DENND2D: variants seen among roughly 807,000 people sequenced by gnomAD.
The protein encoded by DENND2D is DENN domain-containing protein 2D.
DENND2D carries 37 observed loss-of-function variants against 59.8 expected under a neutral mutation model. That is an observed-to-expected ratio of 0.62 (90% CI 0.48 to 0.81). DENND2D has a LOEUF of 0.81. Among genes scored for constraint, DENND2D ranks in the 40% least tolerant of loss-of-function variants. DENND2D has a pLI of 0.00. For missense variants in DENND2D, 525 were observed against 579.7 expected, an observed-to-expected ratio of 0.91 and a Z score of 0.97; for synonymous variants, 219 against 211.3, an observed-to-expected ratio of 1.04 and a Z score of -0.31.
At chr1:111,197,123 G>A (rs990302052) in intron 5 of DENND2D, 53 bp downstream of exon 5, 2 of 1,570,552 alleles carry the variant, frequency 1.3e-6, no homozygotes, top group African/African-American at 1.4e-5. Flanking sequence ...GGCAGGGTTG[G>A]CAGCCAGAGA....
chr1:111,189,602 T>C (rs1657539636), intron 8 of DENND2D, among the ~76,000 whole-genome samples: 1 of 152,216 alleles, frequency 6.6e-6, no homozygotes, highest in South Asian at 2.1e-4. Flanking sequence ...ATTGTTCACA[T>C]AAGTGCTTTA....
chr1:111,186,509 C>T lies in DENND2D; in HGVS notation c.*1096G>A, dbSNP rs990353085. On this transcript the variant is annotated 3_prime_UTR_variant, in exon 12 of 12. Coordinates refer to ENST00000357640, the MANE Select transcript of DENND2D (RefSeq NM_024901.5). ...TAGGAACTTCTGAGGGCCACAAATA[C>T]ACACATTAAAAAAGGTAGAATTTTT... Among the ~76,000 whole-genome samples, 3 of 152,112 alleles carry T rather than the reference C, an allele frequency of 2.0e-5. No homozygotes were observed. The highest frequency in any genetic ancestry group is 7.2e-5 in the African/African-American group (3 of 41,410).
chr1:111,194,715 C>T lies in DENND2D; in HGVS notation c.657G>A (p.Leu219=). 1.2e-6 allele frequency: 2 copies of T among 1,613,894 alleles called. No homozygotes were observed. Among genetic ancestry groups the T allele is most frequent in the Non-Finnish European group, 1.7e-6 (2 of 1,179,952 alleles). The change falls in exon 7 of 12, where the codon CTG becomes CTA. Residue 219 remains leucine, a synonymous_variant. Coordinates refer to ENST00000357640, the MANE Select transcript of DENND2D (RefSeq NM_024901.5). The part of the protein sequence containing the change: ...IPDSGTEFIS[L]TRPLDSHLEH... ...CTAGGTGGGAGTCCAGGGGCCGTGT[C>T]AGTGAAATGAACTGTGGGGAAACCA...
At chr1:111,197,149 G>GCAGGATAAA in intron 5 of DENND2D, 27 bp downstream of exon 5, 3 of 1,604,694 alleles carry the variant, frequency 1.9e-6, no homozygotes, top group Non-Finnish European at 2.6e-6. Context: ...TGGAATATGG[G>GCAGGATAAA]CAGGCCCTGA....
At chr1:111,191,182 C>T (rs1248677233) in intron 8 of DENND2D, among the ~76,000 whole-genome samples, 1 of 152,180 alleles carries the variant, frequency 6.6e-6, no homozygotes, top group Non-Finnish European at 1.5e-5. Context: ...GTTCAAAGGG[C>T]ATGTGTACTC....
chr1:111,200,337 A>G (rs1471153957), intron 1 of DENND2D, 56 bp downstream of exon 1: 20 of 1,578,992 alleles, frequency 1.3e-5, no homozygotes, highest in Non-Finnish European at 1.3e-5. Flanking sequence ...AGGAAGAAAC[A>G]GTCCCGCCTA....
In DENND2D at chr1:111,197,922, A is replaced by C. The variant is rs1388151191; in HGVS notation, c.424T>G (p.Leu142Val). ...GGGCAGTTCTGAGCTGCACAGACCA[A>C]GAGGCGCCTGCAGTATCCAATCTTT... ...SRKIGYCRRL[L>V]PAGPGPRLPK... Residue 142 changes from leucine to valine, a missense_variant and splice_region_variant, in exon 4 of 12, where the codon TTG becomes GTG. Physicochemically the swap from Leu to Val is conservative, Grantham distance 32. Transcript: ENST00000357640. The C allele has an allele frequency of 6.2e-7, 1 of 1,613,812 alleles. No individual in the cohort carries two copies. Among genetic ancestry groups the C allele is most frequent in the African/African-American group, 1.3e-5 (1 of 74,914 alleles).
chr1:111,187,738 G>C, intron 11 of DENND2D, 57 bp from the exon 12 acceptor site: 1 of 1,355,626 alleles, frequency 7.4e-7, no homozygotes, highest in South Asian at 1.2e-5. Flanking sequence ...AGATTATAAT[G>C]AGCTCAGGAA....
intron 2 of DENND2D, 25 bp from the exon 3 acceptor site, chr1:111,198,767 T>C (rs1658505583): frequency 6.2e-7 from 1 of 1,612,572 alleles, no homozygotes; most frequent in East Asian, 2.2e-5. Context: ...AAAAGACAAG[T>C]GGATGTGAAG....
Position 111,198,664 on chromosome 1 carries a change from C to A in DENND2D, c.322G>T (p.Gly108Trp), listed in dbSNP as rs752386343. 1.2e-6 allele frequency: 2 copies of A among 1,614,166 alleles called. No homozygotes were observed. The highest frequency in any genetic ancestry group is 1.7e-6 in the Non-Finnish European group (2 of 1,180,036). The change falls in exon 3 of 12, where the codon GGG (glycine) becomes TGG (tryptophan). Residue 108 changes from glycine (G) to tryptophan (W), a missense_variant. Around this residue, in one of 3 missense-constraint regions of DENND2D, gnomAD observed 253 missense variants for 246.4 expected, o/e 1.03. Transcript: ENST00000357640. Reference protein sequence around the residue: ...KAIPLFCFPDGNEWASLTEYP... With the variant: ...KAIPLFCFPDWNEWASLTEYP... ...TCGGTGAGTGATGCCCACTCATTCC[C>A]ATCTGGGAAGCAGAACAAGGGGATA...
At chr1:111,203,699 C>T (rs1180771406), upstream of DENND2D, among the ~76,000 whole-genome samples, 1 of 152,228 alleles carries the variant, frequency 6.6e-6, no homozygotes, top group Non-Finnish European at 1.5e-5. Context: ...GGGCGACACG[C>T]TGGAAAGCAG....
chr1:111,197,088 G>A (rs1458148575), intron 5 of DENND2D, 88 bp downstream of exon 5: 4 of 1,413,662 alleles, frequency 2.8e-6, no homozygotes, highest in African/African-American at 2.8e-5. Context: ...TGGGAGAAGA[G>A]CTCCACTAAG....
At chr1:111,201,467 C>A (rs557133940), upstream of DENND2D, 4 of 152,452 alleles carry the variant, frequency 2.6e-5, no homozygotes, top group Non-Finnish European at 4.4e-5. Context: ...CCAACCCCCA[C>A]GCCTGCTCAG....
chr1:111,192,256 T>C lies in DENND2D; in HGVS notation c.856A>G (p.Thr286Ala). 2 of 1,613,802 alleles carry C rather than the reference T, an allele frequency of 1.2e-6. No individual in the cohort carries two copies. The highest frequency in any genetic ancestry group is 1.7e-6 in the Non-Finnish European group (2 of 1,179,844). The change falls in exon 8 of 12, where the codon ACC (threonine) becomes GCC (alanine). Residue 286 changes from threonine to alanine, a missense_variant. Physicochemically the swap from Thr to Ala is moderately conservative, Grantham distance 58. Around this residue, in one of 3 missense-constraint regions of DENND2D, gnomAD observed 225 missense variants for 252.4 expected, o/e 0.89. Transcript: ENST00000357640. Reference protein sequence around the residue: ...ALLYPFSWAHTYIPVVPESLL... With the variant: ...ALLYPFSWAHAYIPVVPESLL... Reference sequence around the variant, plus strand: ...CTCTCAGGGACAACAGGGATGTAGGTGTGCGCCCAGCTGAAGGGGTAGAGC... The same window carrying C: ...CTCTCAGGGACAACAGGGATGTAGGCGTGCGCCCAGCTGAAGGGGTAGAGC...
chr1:111,196,840 T>G, intron 5 of DENND2D: 1 of 282,196 alleles, frequency 3.5e-6, no homozygotes, highest in East Asian at 6.9e-5. Flanking sequence ...CGCCACCCAG[T>G]GAGATAGGAA....
intron 11 of DENND2D, 62 bp downstream of exon 11, chr1:111,188,069 C>T: frequency 6.3e-7 from 1 of 1,575,480 alleles, no homozygotes. Flanking sequence ...CTTTCTTTCC[C>T]CTCCTCTTTA....
intron 1 of DENND2D, 41 bp from the exon 2 acceptor site, chr1:111,199,839 T>C (rs1472191724): frequency 4.4e-6 from 7 of 1,591,012 alleles, no homozygotes; most frequent in Non-Finnish European, 6.0e-6. Context: ...ATCTCATTGA[T>C]CCATTCCTGG....
At chr1:111,187,967 A>G (rs1472406481) in intron 11 of DENND2D, among the ~76,000 whole-genome samples, 164 bp downstream of exon 11, 4 of 152,252 alleles carry the variant, frequency 2.6e-5, no homozygotes, top group African/African-American at 9.6e-5. Flanking sequence ...GCAGCCCATT[A>G]GACATTTTCT....
At position 111,195,926 on chromosome 1, in the gene DENND2D, G is replaced by T; in HGVS notation, c.635C>A (p.Ser212Ter). ...TVTLKSFIPD[S>*]GTEFISLTRP... ...ATTTTGCTAACCCACCTCAGTGCCTGAGTCGGGGATGAAGCTCTTGAGAGT... is the reference window on the plus strand; with the variant it reads ...ATTTTGCTAACCCACCTCAGTGCCTTAGTCGGGGATGAAGCTCTTGAGAGT... Residue 212 changes from serine to a stop codon, truncating the protein, a stop_gained, in exon 6 of 12, where the codon TCA becomes TAA. Transcript: ENST00000357640. LOFTEE classifies it high-confidence loss of function. The T allele has an allele frequency of 6.2e-7, 1 of 1,614,112 alleles. No individual in the cohort carries two copies. Among genetic ancestry groups the T allele is most frequent in the Non-Finnish European group, 8.5e-7 (1 of 1,180,006 alleles).
Sources: gnomAD v4.1 joint callset for allele counts (sites outside exome capture counted in the v4.1 genomes callset) on GRCh38, gnomAD v4.1.1 for gene constraint, gnomAD v4.1.1 regional missense constraint, MANE v1.5 for transcripts, NCBI Gene and HGNC (gene_info 2026-07-23, HGNC 2026-07-21) for gene names.